DEPTOR: variants seen among roughly 807,000 people sequenced by gnomAD.
The protein encoded by DEPTOR is DEP domain containing MTOR interacting protein.
A neutral mutation model predicts 41.6 loss-of-function variants in DEPTOR; 41 were observed. That is an observed-to-expected ratio of 0.98 (90% CI 0.77 to 1.28). The LOEUF is 1.28. DEPTOR is among the 50% of genes most tolerant of loss of function. The pLI is 0.00. For synonymous variants in DEPTOR, 195 were observed against 192.3 expected (o/e 1.01, Z -0.12); for missense variants, 514 against 527.9 (o/e 0.97, Z 0.26).
At chr8:119,900,956 G>T (rs1354001499) in intron 1 of DEPTOR, among the ~76,000 whole-genome samples, 1 of 152,128 alleles carries the variant, frequency 6.6e-6, no homozygotes, top group African/African-American at 2.4e-5. Context: ...AATGTGAAAT[G>T]CATGTTGATT....
At chr8:120,026,562 C>T (rs1006454267) in intron 8 of DEPTOR, among the ~76,000 whole-genome samples, 9 of 152,078 alleles carry the variant, frequency 5.9e-5, no homozygotes, top group African/African-American at 1.4e-4. Context: ...AGGCTGGTGT[C>T]GAACTCCTGA....
intron 1 of DEPTOR, chr8:119,874,204 G>A: frequency 1.7e-6 from 1 of 589,506 alleles, no homozygotes; most frequent in Non-Finnish European, 2.8e-6. Context: ...CGGGTGGTGC[G>A]CGCTGCGCCC....
intron 6 of DEPTOR, among the ~76,000 whole-genome samples, chr8:120,006,525 T>A (rs111784737): frequency 9.1e-5 from 13 of 142,454 alleles, no homozygotes; most frequent in East Asian, 6.1e-4. Flanking sequence ...ACTCCGTCTT[T>A]AAAAAAAAAA....
chr8:119,985,518 G>C (rs981787576), intron 4 of DEPTOR, among the ~76,000 whole-genome samples: 3 of 152,098 alleles, frequency 2.0e-5, no homozygotes, highest in Non-Finnish European at 4.4e-5. Flanking sequence ...TCACTCTTAT[G>C]ATAGTTTATT....
chr8:119,962,411 C>T (rs947337099), intron 3 of DEPTOR, among the ~76,000 whole-genome samples: 7 of 151,886 alleles, frequency 4.6e-5, no homozygotes, highest in Admixed American at 3.9e-4. Flanking sequence ...TGACCATAAC[C>T]GAGATGCAAA....
intron 8 of DEPTOR, among the ~76,000 whole-genome samples, chr8:120,048,205 T>A (rs1214621618): frequency 6.6e-6 from 1 of 152,172 alleles, no homozygotes; most frequent in Non-Finnish European, 1.5e-5. Flanking sequence ...GAAACCCCTG[T>A]ATCTGTGGAA....
chr8:119,932,733 T>A (rs1828060978), intron 3 of DEPTOR, among the ~76,000 whole-genome samples: 1 of 152,128 alleles, frequency 6.6e-6, no homozygotes, highest in Non-Finnish European at 1.5e-5. Context: ...ATAATACAGG[T>A]GTCGTCGGTG....
At chr8:119,914,505 T>G (rs1827788092) in intron 1 of DEPTOR, among the ~76,000 whole-genome samples, 1 of 152,040 alleles carries the variant, frequency 6.6e-6, no homozygotes. Flanking sequence ...AGTGGCACGA[T>G]CTTGGCTCAC....
intron 1 of DEPTOR, among the ~76,000 whole-genome samples, chr8:119,898,486 G>A (rs1827548143): frequency 1.3e-5 from 2 of 152,158 alleles, no homozygotes; most frequent in Non-Finnish European, 2.9e-5. Flanking sequence ...AACGTTGGGA[G>A]GCCAAGAAGG....
chr8:120,039,190 C>A (rs940270793), intron 8 of DEPTOR, among the ~76,000 whole-genome samples: 6 of 152,170 alleles, frequency 3.9e-5, no homozygotes, highest in African/African-American at 4.8e-5. Context: ...AGATTCCTTG[C>A]CCCTTCTACC....
intron 3 of DEPTOR, among the ~76,000 whole-genome samples, chr8:119,959,979 C>T (rs1365939881): frequency 6.6e-6 from 1 of 152,038 alleles, no homozygotes; most frequent in Non-Finnish European, 1.5e-5. Context: ...CCCGTAATCC[C>T]AGCACTTTGG....
At chr8:119,878,503 G>C (rs562729639) in intron 1 of DEPTOR, among the ~76,000 whole-genome samples, 2 of 151,130 alleles carry the variant, frequency 1.3e-5, no homozygotes, top group Non-Finnish European at 2.9e-5. Context: ...TTGTGTGTGT[G>C]CTTTTAGTAG....
At chr8:120,042,234 T>C (rs1477877896) in intron 8 of DEPTOR, among the ~76,000 whole-genome samples, 2 of 152,104 alleles carry the variant, frequency 1.3e-5, no homozygotes, top group African/African-American at 4.8e-5. Context: ...ACGCGTTCTG[T>C]GTGTTTGTGC....
At chr8:119,881,463 G>A (rs1827295544) in intron 1 of DEPTOR, among the ~76,000 whole-genome samples, 1 of 151,902 alleles carries the variant, frequency 6.6e-6, no homozygotes, top group Non-Finnish European at 1.5e-5. Flanking sequence ...GGCAGAGGTT[G>A]CAGTGAGCTG....
chr8:119,980,470 TTTCTTTTC>T (rs1482528389), intron 4 of DEPTOR, among the ~76,000 whole-genome samples: 4 of 124,714 alleles, frequency 3.2e-5, no homozygotes, highest in African/African-American at 1.4e-4. Flanking sequence ...TTTCTTTTCT[TTTCTTTTC>T]TTTTCTTTTC....
At chr8:119,907,964 G>T (rs1034605400) in intron 1 of DEPTOR, among the ~76,000 whole-genome samples, 1 of 152,138 alleles carries the variant, frequency 6.6e-6, no homozygotes, top group African/African-American at 2.4e-5. Context: ...CTGAATTTAT[G>T]TTAATAAAGT....
rs558160951 is a variant in DEPTOR, at chr8:119,908,987, G to C, written c.123-19413G>C. ...TGCCAGGGCCTCATTTAAAAACCAT[G>C]ACAGCCAGCCCACTAATTCTCAGAA... On this transcript the variant is annotated intron_variant, in intron 1 of 8. Coordinates refer to ENST00000286234, the MANE Select transcript of DEPTOR (RefSeq NM_022783.4). Among the ~76,000 whole-genome samples, 9 of 108,690 alleles carry C rather than the reference G, an allele frequency of 8.3e-5. No individual in the cohort carries two copies. In the Admixed American group the frequency reaches 1.1e-3, roughly 14 times the overall value. 71.3% of individuals were successfully genotyped at this position (108,690 alleles called of 152,430 possible).
intron 4 of DEPTOR, among the ~76,000 whole-genome samples, chr8:119,973,383 A>G (rs1336190376): frequency 6.6e-6 from 1 of 151,026 alleles, no homozygotes; most frequent in African/African-American, 2.4e-5. Context: ...ACAAGTGCTC[A>G]CCACCACACC....
chr8:119,901,686 A>T (rs925592656), intron 1 of DEPTOR, among the ~76,000 whole-genome samples: 8 of 151,532 alleles, frequency 5.3e-5, no homozygotes, highest in African/African-American at 1.9e-4. Flanking sequence ...AAAAAAAAAA[A>T]AAAAAAAAGA....
Sources: gnomAD v4.1 joint callset for allele counts (sites outside exome capture counted in the v4.1 genomes callset) on GRCh38, gnomAD v4.1.1 for gene constraint, MANE v1.5 for transcripts, NCBI Gene and HGNC (gene_info 2026-07-23, HGNC 2026-07-21) for gene names.